ARHGEF12: variants seen among roughly 807,000 people sequenced by gnomAD.
ARHGEF12 encodes the protein Rho guanine nucleotide exchange factor 12, also known as KMT2A/ARHGEF12 fusion protein.
ARHGEF12 carries 66 observed loss-of-function variants against 211.2 expected under a neutral mutation model. The ratio of observed to expected loss-of-function variants is 0.31; its 90% CI spans 0.26 to 0.38. The LOEUF is 0.38. Ranked by LOEUF, ARHGEF12 falls within the 10% of genes least tolerant of loss-of-function variation. The pLI is 1.00. For synonymous variants in ARHGEF12, 592 were observed against 638.4 expected (o/e 0.93, Z 1.09); for missense variants, 1,429 against 1,869.5 (o/e 0.76, Z 4.34).
In ARHGEF12 at chr11:120,337,018, C is replaced by T. The variant is rs1446010993; in HGVS notation, c.-226C>T. 3.3e-6 allele frequency: 2 copies of T among 604,496 alleles called. No individual in the cohort carries two copies. Among genetic ancestry groups the T allele is most frequent in the African/African-American group, 3.7e-5 (2 of 53,816 alleles). 37.4% of individuals were successfully genotyped at this position (604,496 alleles called of 1,614,324 possible). On this transcript the variant is annotated 5_prime_UTR_variant, in exon 1 of 41. Transcript: ENST00000397843. ...TAGCTCGACTCACTCTGGACTGACT[C>T]GCTCCCTGGCTTTCTCAGTTCGTTT...
rs980373934 is a variant in ARHGEF12 at position 120,485,343 on chromosome 11, AC to A, written c.*268del. 1 of 413,204 alleles carries A rather than the reference AC, an allele frequency of 2.4e-6. No homozygotes were observed. Among genetic ancestry groups the A allele is most frequent in the Non-Finnish European group, 4.4e-6 (1 of 228,984 alleles). 25.6% of individuals were successfully genotyped at this position (413,204 alleles called of 1,614,324 possible). ...AAATTCATTTTGATTCAGAATAAAA[AC>A]CAAATGTATAGAGCTTTGGGTGTAG... is the stretch of plus-strand genomic sequence containing the variant. On this transcript the variant is annotated 3_prime_UTR_variant, in exon 41 of 41. Transcript: ENST00000397843.
intron 13 of ARHGEF12, 144 bp downstream of exon 13, chr11:120,440,365 A>G (rs927418735): frequency 9.4e-6 from 6 of 639,898 alleles, no homozygotes; most frequent in Admixed American, 3.3e-5. Flanking sequence ...CCTTGGGTTA[A>G]TTGCTTATTT....
chr11:120,421,934 A>G, intron 6 of ARHGEF12, 82 bp downstream of exon 6: 1 of 1,063,754 alleles, frequency 9.4e-7, no homozygotes, highest in Non-Finnish European at 1.4e-6. Flanking sequence ...TTTCACTTGG[A>G]TTTTTATAAA....
intron 1 of ARHGEF12, among the ~76,000 whole-genome samples, chr11:120,373,801 A>G (rs895917169): frequency 2.0e-5 from 3 of 152,010 alleles, no homozygotes; most frequent in Non-Finnish European, 2.9e-5. Context: ...AAATATGAAA[A>G]ATGGATTTTT....
chr11:120,348,368 A>G (rs1216531673), intron 1 of ARHGEF12, among the ~76,000 whole-genome samples: 9 of 152,208 alleles, frequency 5.9e-5, no homozygotes, highest in Non-Finnish European at 1.0e-4. Context: ...CATTAGTTTC[A>G]GAGGTAATAG....
chr11:120,370,708 T>G (rs1479682980), intron 1 of ARHGEF12, among the ~76,000 whole-genome samples: 1 of 152,144 alleles, frequency 6.6e-6, no homozygotes, highest in Non-Finnish European at 1.5e-5. Context: ...TATTTCTAGG[T>G]ACTTTATGAT....
At chr11:120,475,833 A>T (rs756930483) in intron 33 of ARHGEF12, 6 of 192,800 alleles carry the variant, frequency 3.1e-5, no homozygotes, top group African/African-American at 4.6e-5. Context: ...GAAAAAAATC[A>T]AAAACCAAAG....
intron 15 of ARHGEF12, 137 bp from the exon 16 acceptor site, chr11:120,445,285 A>G (rs1275345735): frequency 1.3e-6 from 1 of 790,170 alleles, no homozygotes; most frequent in Non-Finnish European, 2.2e-6. Flanking sequence ...TGAAATGTGA[A>G]TGAATAAATG....
intron 13 of ARHGEF12, among the ~76,000 whole-genome samples, chr11:120,440,979 A>G (rs73582290): frequency 0.015 from 2,269 of 152,240 alleles, 56 homozygotes; most frequent in African/African-American, 0.051. Context: ...ATGGTAAGTT[A>G]TGTTGATTGA....
intron 1 of ARHGEF12, among the ~76,000 whole-genome samples, chr11:120,378,107 T>C (rs928036052): frequency 6.6e-6 from 1 of 152,146 alleles, no homozygotes; most frequent in African/African-American, 2.4e-5. Context: ...TTTTCCAAAG[T>C]GCCTCTGTCA....
At chr11:120,459,388 T>C (rs1156456500) in intron 26 of ARHGEF12, 68 bp downstream of exon 26, 1 of 1,522,094 alleles carries the variant, frequency 6.6e-7, no homozygotes, top group South Asian at 1.2e-5. Flanking sequence ...GAGTTTAAAA[T>C]TTTGTAAATG....
rs1946421859 is a variant in ARHGEF12 at position 120,458,145 on chromosome 11, C to T, written c.2291C>T (p.Thr764Ile). 1.2e-6 allele frequency: 2 copies of T among 1,611,030 alleles called. No homozygotes were observed. The highest frequency in any genetic ancestry group is 1.1e-5 in the South Asian group (1 of 90,082). The stretch of plus-strand genomic sequence containing the variant: ...GAACAATTTGAAAATGACTTAGAGA[C>T]AGATCCACCCAACTGGCAGCAGCTT... ...EDEQFENDLETDPPNWQQLVS... is the reference protein window; with the variant it reads ...EDEQFENDLEIDPPNWQQLVS... Residue 764 changes from threonine to isoleucine, a missense_variant, in exon 25 of 41, where the codon ACA becomes ATA. Thr to Ile is a moderately conservative substitution (Grantham distance 89). This residue lies in a region of ARHGEF12 where 373 missense variants were observed against 467.5 expected (regional missense o/e 0.80). Transcript: ENST00000397843.
chr11:120,368,127 G>A (rs1034539890), intron 1 of ARHGEF12, among the ~76,000 whole-genome samples: 7 of 151,802 alleles, frequency 4.6e-5, no homozygotes, highest in South Asian at 4.2e-4. Context: ...GCTTTGGCTG[G>A]GCCACAGCGG....
rs1025919456 is a variant in ARHGEF12, at chr11:120,367,353, C to CTTTTTTTTTTTTTTTTTTTT, written c.32+30089_32+30108dup. ...AAAAAATCTGTTAGGATACTTTTTC[C>CTTTTTTTTTTTTTTTTTTTT]TTTTTTTTTTTTTTTTTTTTTTTTT... On this transcript the variant is annotated intron_variant, in intron 1 of 40. Coordinates refer to ENST00000397843, the MANE Select transcript of ARHGEF12 (RefSeq NM_015313.3). Among the ~76,000 whole-genome samples the CTTTTTTTTTTTTTTTTTTTT allele has an allele frequency of 1.2e-3, 70 of 59,352 alleles. 17 individuals are homozygous for CTTTTTTTTTTTTTTTTTTTT. Among genetic ancestry groups the CTTTTTTTTTTTTTTTTTTTT allele is most frequent in the African/African-American group, 2.9e-3 (38 of 12,950 alleles). 38.9% of individuals were successfully genotyped at this position (59,352 alleles called of 152,430 possible).
chr11:120,458,359 A>G, intron 25 of ARHGEF12, 125 bp downstream of exon 25: 1 of 1,041,254 alleles, frequency 9.6e-7, no homozygotes, highest in East Asian at 2.6e-5. Flanking sequence ...CAAAGAGGAA[A>G]TTAAACTGGA....
chr11:120,339,318 T>A (rs1198299880), intron 1 of ARHGEF12, among the ~76,000 whole-genome samples: 2 of 152,162 alleles, frequency 1.3e-5, no homozygotes, highest in African/African-American at 4.8e-5. Context: ...GAGTAGTTGT[T>A]CCTAATATGA....
In ARHGEF12 at chr11:120,459,319, T is replaced by C; in HGVS notation, c.2526T>C (p.His842=). 1.2e-6 allele frequency: 2 copies of C among 1,611,628 alleles called. No homozygotes were observed. The highest frequency in any genetic ancestry group is 1.7e-6 in the Non-Finnish European group (2 of 1,178,802). ...FSNLEDILQL[H]IGLNEQMKAV... ...ACTTGGAAGATATTCTTCAACTTCA[T>C]AGTAAGAGAAATTAGCTCTGATCTT... The change falls in exon 26 of 41, where the codon CAT becomes CAC. Residue 842 remains histidine, a splice_region_variant and synonymous_variant. Coordinates refer to ENST00000397843, the MANE Select transcript of ARHGEF12 (RefSeq NM_015313.3).
At chr11:120,434,850 A>G (rs1000449728) in intron 11 of ARHGEF12, among the ~76,000 whole-genome samples, 2 of 152,222 alleles carry the variant, frequency 1.3e-5, no homozygotes, top group South Asian at 4.1e-4. Flanking sequence ...TCAAAAGTAA[A>G]GACTAACATA....
chr11:120,373,337 T>A (rs1188638671), intron 1 of ARHGEF12, among the ~76,000 whole-genome samples: 1 of 152,236 alleles, frequency 6.6e-6, no homozygotes, highest in East Asian at 1.9e-4. Context: ...ATATACTTTT[T>A]AAAATATGTT....
Sources: allele counts gnomAD v4.1 joint callset (sites outside exome capture counted in the v4.1 genomes callset), GRCh38; gene constraint gnomAD v4.1.1; regional missense constraint gnomAD v4.1.1; transcripts MANE v1.5; gene names NCBI Gene and HGNC (gene_info 2026-07-23, HGNC 2026-07-21).